The following COL23A1 variants were observed in gnomAD, a reference collection of about 807,000 sequenced individuals.
COL23A1 encodes collagen alpha-1(XXIII) chain.
In COL23A1, 97 loss-of-function variants were observed where a neutral mutation model predicts 99.3. The ratio of observed to expected loss-of-function variants is 0.98; its 90% CI spans 0.83 to 1.16. The LOEUF (loss-of-function observed/expected upper bound fraction) is 1.16, where lower values mean the gene tolerates loss of function less well. Among genes scored for constraint, COL23A1 ranks in the 50% most tolerant of loss-of-function variants. The pLI is 0.00. For missense variants in COL23A1, 762 were observed against 757.4 expected (o/e 1.01, Z -0.07); for synonymous variants, 320 against 308.2 (o/e 1.04, Z -0.40).
At chr5:178,543,355 C>A (rs946252301) in intron 2 of COL23A1, among the ~76,000 whole-genome samples, 1 of 152,156 alleles carries the variant, frequency 6.6e-6, no homozygotes, top group African/African-American at 2.4e-5. Context: ...GATTCTCCCA[C>A]CTTGGCCTCC....
At chr5:178,517,184 T>C (rs1562044499) in intron 2 of COL23A1, among the ~76,000 whole-genome samples, 1 of 152,234 alleles carries the variant, frequency 6.6e-6, no homozygotes, top group South Asian at 2.1e-4. Context: ...GTCAGTCTTA[T>C]TCCACTATTG....
chr5:178,492,200 A>T (rs1004481801), intron 2 of COL23A1, among the ~76,000 whole-genome samples: 1 of 152,236 alleles, frequency 6.6e-6, no homozygotes, highest in Non-Finnish European at 1.5e-5. Context: ...AGTAAAAATA[A>T]CTATTATTTG....
chr5:178,424,623 G>A (rs1002192801), intron 2 of COL23A1, among the ~76,000 whole-genome samples: 1 of 152,170 alleles, frequency 6.6e-6, no homozygotes, highest in Non-Finnish European at 1.5e-5. Context: ...AGTCATTCGC[G>A]GTTCTGCAGG....
intron 19 of COL23A1, 86 bp downstream of exon 19, chr5:178,249,031 T>A (rs769528810): frequency 2.4e-5 from 33 of 1,390,480 alleles, no homozygotes; most frequent in Non-Finnish European, 3.3e-5. Context: ...GGTCACGCCC[T>A]GGCCTCCCCA....
intron 1 of COL23A1, among the ~76,000 whole-genome samples, chr5:178,580,741 G>A (rs60869103): frequency 6.6e-6 from 1 of 152,314 alleles, no homozygotes; most frequent in East Asian, 1.9e-4. Context: ...GTTTCTGGCC[G>A]GGTGTGGTTG....
chr5:178,348,520 C>T (rs1761119868), intron 2 of COL23A1, among the ~76,000 whole-genome samples: 1 of 152,192 alleles, frequency 6.6e-6, no homozygotes, highest in Non-Finnish European at 1.5e-5. Flanking sequence ...GGTGTGTGGC[C>T]TCAGGGCTCC....
chr5:178,520,674 C>G (rs754883268), intron 2 of COL23A1, among the ~76,000 whole-genome samples: 2 of 152,144 alleles, frequency 1.3e-5, no homozygotes, highest in Non-Finnish European at 2.9e-5. Context: ...TGAGCAAATC[C>G]CTTCTCCTTA....
intron 12 of COL23A1, among the ~76,000 whole-genome samples, chr5:178,258,797 C>T (rs772845897): frequency 4.6e-5 from 7 of 152,048 alleles, no homozygotes; most frequent in Admixed American, 6.6e-5. Flanking sequence ...TGGGCTCAAG[C>T]GATCCTCCCA....
chr5:178,571,936 C>T (rs541693749), intron 1 of COL23A1, among the ~76,000 whole-genome samples: 61 of 152,078 alleles, frequency 4.0e-4, no homozygotes, highest in East Asian at 1.2e-3. Flanking sequence ...GGTGTGGTGG[C>T]GGGCGCCTGT....
At chr5:178,382,195 G>T (rs138949016) in intron 2 of COL23A1, among the ~76,000 whole-genome samples, 52 of 152,254 alleles carry the variant, frequency 3.4e-4, no homozygotes, top group Non-Finnish European at 6.3e-4. Flanking sequence ...TCTGCTGAGG[G>T]TCACACAAGA....
intron 2 of COL23A1, among the ~76,000 whole-genome samples, chr5:178,512,159 C>A (rs989673015): frequency 6.6e-6 from 1 of 152,270 alleles, no homozygotes; most frequent in East Asian, 1.9e-4. Context: ...CTGGAAACAG[C>A]CTAAGCGTCC....
intron 2 of COL23A1, among the ~76,000 whole-genome samples, chr5:178,429,709 T>A (rs538671113): frequency 6.7e-6 from 1 of 148,498 alleles, no homozygotes; most frequent in Non-Finnish European, 1.5e-5. Context: ...ATTTTCCACA[T>A]TGACGCCAGA....
At chr5:178,582,138 T>C (rs915009781) in intron 1 of COL23A1, among the ~76,000 whole-genome samples, 7 of 137,472 alleles carry the variant, frequency 5.1e-5, no homozygotes, top group African/African-American at 2.0e-4. Context: ...GGCCAGGAGT[T>C]CAAGACTGCA....
At chr5:178,256,603 G>A (rs886787340) in intron 14 of COL23A1, among the ~76,000 whole-genome samples, 1 of 152,224 alleles carries the variant, frequency 6.6e-6, no homozygotes, top group Admixed American at 6.5e-5. Flanking sequence ...TTCGTATAGA[G>A]ATGGGGACGC....
Position 178,384,572 on chromosome 5 carries a change from C to G in COL23A1, c.362-77653G>C, listed in dbSNP as rs1016023290. ...CCGGCGTGCCTTACTTCCCTCCCTG[C>G]TCCTGCGCTGATTCTGCTCCTGCCT... On this transcript the variant is annotated intron_variant, in intron 2 of 28. Transcript: ENST00000390654. This position sits in a 1 kb window ranked among gnomAD's most constrained non-coding sequence, Gnocchi z 5.5. 6.6e-6 allele frequency among the ~76,000 whole-genome samples: 1 copy of G among 152,192 alleles called. No homozygotes were observed. Among genetic ancestry groups the G allele is most frequent in the African/African-American group, 2.4e-5 (1 of 41,450 alleles).
intron 2 of COL23A1, among the ~76,000 whole-genome samples, chr5:178,528,552 G>A (rs546119699): frequency 3.3e-5 from 5 of 152,328 alleles, no homozygotes; most frequent in South Asian, 2.1e-4. Flanking sequence ...AGTGGCTCAC[G>A]CCTGTAATCC....
intron 3 of COL23A1, among the ~76,000 whole-genome samples, chr5:178,296,761 G>C (rs930003445): frequency 6.6e-6 from 1 of 152,100 alleles, no homozygotes; most frequent in Non-Finnish European, 1.5e-5. Flanking sequence ...GCGTTCCGGA[G>C]ACTGATCTCG....
chr5:178,312,346 C>G lies in COL23A1; in HGVS notation c.362-5427G>C, dbSNP rs536916219. Among the ~76,000 whole-genome samples, 10 of 152,296 alleles carry G rather than the reference C, an allele frequency of 6.6e-5. No homozygotes were observed. The South Asian group carries it at 1.7e-3, about 25-fold the overall frequency. ...CAGCTCGTTGCCCAATGACTCTGGA[C>G]GTCTGAGAGCAGCATCAGCACAGTA... On this transcript the variant is annotated intron_variant, in intron 2 of 28. Transcript: ENST00000390654.
At chr5:178,522,234 G>A (rs760286109) in intron 2 of COL23A1, among the ~76,000 whole-genome samples, 1 of 152,202 alleles carries the variant, frequency 6.6e-6, no homozygotes, top group Non-Finnish European at 1.5e-5. Flanking sequence ...CGACCTGGAT[G>A]TTTTGCTTTA....
Sources: allele counts gnomAD v4.1 joint callset (sites outside exome capture counted in the v4.1 genomes callset), GRCh38; gene constraint gnomAD v4.1.1; non-coding constraint Gnocchi (gnomAD v3.1); transcripts MANE v1.5; gene names NCBI Gene and HGNC (gene_info 2026-07-23, HGNC 2026-07-21).